GPM6A: variants seen among roughly 807,000 people sequenced by gnomAD.
The protein encoded by GPM6A is glycoprotein M6A.
GPM6A carries 7 observed loss-of-function variants against 32.1 expected under a neutral mutation model. The ratio of observed to expected loss-of-function variants is 0.22; its 90% confidence interval spans 0.12 to 0.41. The LOEUF (loss-of-function observed/expected upper bound fraction) is 0.41. GPM6A is among the 10% of genes least tolerant of loss of function. GPM6A has a pLI of 1.00. For missense variants in GPM6A, 235 were observed against 347.2 expected (o/e 0.68, Z 2.57); for synonymous variants, 130 against 123.4 (o/e 1.05, Z -0.35).
chr4:175,646,459 A>G (rs1370589185), intron 4 of GPM6A, among the ~76,000 whole-genome samples: 1 of 152,198 alleles, frequency 6.6e-6, no homozygotes, highest in Non-Finnish European at 1.5e-5. Context: ...TGGACAAATA[A>G]TGGAATATTC....
At chr4:175,768,938 T>C (rs530527258) in intron 1 of GPM6A, among the ~76,000 whole-genome samples, 311 of 151,982 alleles carry the variant, frequency 2.0e-3, no homozygotes, top group Middle Eastern at 3.4e-3. Context: ...TCTACAAAAA[T>C]ACCAAAATTA....
chr4:175,729,481 T>C (rs185175822), intron 1 of GPM6A, among the ~76,000 whole-genome samples: 1 of 152,036 alleles, frequency 6.6e-6, no homozygotes, highest in African/African-American at 2.4e-5. Flanking sequence ...CAGTTTCTCA[T>C]GGATACAAAA....
At chr4:175,854,367 C>A (rs1736353803) in intron 1 of GPM6A, among the ~76,000 whole-genome samples, 1 of 152,080 alleles carries the variant, frequency 6.6e-6, no homozygotes, top group Non-Finnish European at 1.5e-5. Flanking sequence ...GCAATGAAAG[C>A]TTAGAAAGGT....
intron 1 of GPM6A, among the ~76,000 whole-genome samples, chr4:175,877,166 T>G (rs1737108089): frequency 6.6e-6 from 1 of 152,174 alleles, no homozygotes. Flanking sequence ...AGACAGCAGA[T>G]TCATGTGTGG....
At chr4:175,650,103 A>G (rs372912697) in intron 4 of GPM6A, among the ~76,000 whole-genome samples, 1 of 152,080 alleles carries the variant, frequency 6.6e-6, no homozygotes, top group East Asian at 1.9e-4. Flanking sequence ...AAACCTCCCC[A>G]ATGTCCATAT....
At chr4:175,696,453 A>G (rs1160246754) in intron 2 of GPM6A, among the ~76,000 whole-genome samples, 1 of 152,120 alleles carries the variant, frequency 6.6e-6, no homozygotes, top group African/African-American at 2.4e-5. Flanking sequence ...TGGTGTTTTG[A>G]GGTTTTTAAA....
At chr4:175,771,876 T>A (rs1733206413) in intron 1 of GPM6A, among the ~76,000 whole-genome samples, 1 of 152,212 alleles carries the variant, frequency 6.6e-6, no homozygotes, top group South Asian at 2.1e-4. Flanking sequence ...TCAAATCCAC[T>A]GACTAAATCT....
intron 1 of GPM6A, among the ~76,000 whole-genome samples, chr4:175,736,601 A>G (rs1481560990): frequency 1.3e-5 from 2 of 152,240 alleles, no homozygotes; most frequent in African/African-American, 4.8e-5. Flanking sequence ...ATATCTCAAA[A>G]TAGCTAAATT....
At chr4:175,826,280 T>C (rs1735434833) in intron 1 of GPM6A, among the ~76,000 whole-genome samples, 1 of 151,852 alleles carries the variant, frequency 6.6e-6, no homozygotes, top group Non-Finnish European at 1.5e-5. Context: ...GAAATTAATC[T>C]CTCTTTCTCT....
intron 1 of GPM6A, among the ~76,000 whole-genome samples, chr4:175,752,866 G>T: frequency 6.6e-6 from 1 of 152,120 alleles, no homozygotes; most frequent in East Asian, 1.9e-4. Context: ...CTGTGTTAAG[G>T]CTCCATCTGC....
intron 1 of GPM6A, among the ~76,000 whole-genome samples, chr4:175,761,656 T>G (rs1732748852): frequency 6.6e-6 from 1 of 152,096 alleles, no homozygotes; most frequent in Admixed American, 6.6e-5. Flanking sequence ...AAAGGTTTTT[T>G]AAAGTAATAA....
chr4:175,981,191 CA>C (rs1374967234), intron 1 of GPM6A, among the ~76,000 whole-genome samples: 4 of 151,894 alleles, frequency 2.6e-5, no homozygotes, highest in Non-Finnish European at 5.9e-5. Flanking sequence ...ATATAATTAA[CA>C]AAAATGACCT....
At chr4:175,998,438 G>T (rs1741377564) in intron 1 of GPM6A, among the ~76,000 whole-genome samples, 1 of 152,170 alleles carries the variant, frequency 6.6e-6, no homozygotes, top group South Asian at 2.1e-4. Flanking sequence ...TTACAGGCGT[G>T]AGCCACCGCA....
At chr4:175,642,825 T>G (rs570727956) in intron 4 of GPM6A, among the ~76,000 whole-genome samples, 1 of 152,286 alleles carries the variant, frequency 6.6e-6, no homozygotes, top group East Asian at 1.9e-4. Flanking sequence ...ATCTCTCTTC[T>G]GAAATCAGGA....
intron 1 of GPM6A, chr4:175,960,885 T>C (rs1382859460): frequency 6.6e-6 from 1 of 152,212 alleles, no homozygotes; most frequent in African/African-American, 2.4e-5. Context: ...AAATATGAAG[T>C]TGTTTCAATT....
chr4:175,672,068 T>C (rs1026204997), intron 3 of GPM6A, among the ~76,000 whole-genome samples: 1 of 152,182 alleles, frequency 6.6e-6, no homozygotes, highest in African/African-American at 2.4e-5. Context: ...GATGCTTGAA[T>C]GGCAGGCAGA....
At chr4:175,773,563 T>C (rs1449807478) in intron 1 of GPM6A, among the ~76,000 whole-genome samples, 1 of 146,142 alleles carries the variant, frequency 6.8e-6, no homozygotes, top group Non-Finnish European at 1.6e-5. Flanking sequence ...TGCTAAATAA[T>C]ACTACTTTGA....
intron 2 of GPM6A, among the ~76,000 whole-genome samples, chr4:175,698,038 A>T (rs1436746072): frequency 6.6e-6 from 1 of 152,092 alleles, no homozygotes; most frequent in Non-Finnish European, 1.5e-5. Flanking sequence ...GGAAATATTG[A>T]TCATGTTGAG....
chr4:175,767,319 T>C (rs1028057091), intron 1 of GPM6A, among the ~76,000 whole-genome samples: 1 of 152,166 alleles, frequency 6.6e-6, no homozygotes, highest in South Asian at 2.1e-4. Flanking sequence ...GCTACATATG[T>C]TGTGAGAAGG....
Sources: gnomAD v4.1 joint callset for allele counts (sites outside exome capture counted in the v4.1 genomes callset) on GRCh38, gnomAD v4.1.1 for gene constraint, MANE v1.5 for transcripts, NCBI Gene and HGNC (gene_info 2026-07-23, HGNC 2026-07-21) for gene names.